Variants in DLG2 observed in about 807,000 individuals in gnomAD.
DLG2 encodes the protein discs large MAGUK scaffold protein 2.
In DLG2, 45 loss-of-function variants were observed where a neutral mutation model predicts 132.5. The ratio of observed to expected loss-of-function variants is 0.34; its 90% CI spans 0.27 to 0.44. DLG2 has a LOEUF of 0.44. DLG2 is among the 20% of genes least tolerant of loss of function. DLG2 has a pLI of 1.00. For synonymous variants in DLG2, 424 were observed against 419.6 expected (o/e 1.01, Z -0.13); for missense variants, 1,045 against 1,196.9 (o/e 0.87, Z 1.87).
intron 19 of DLG2, among the ~76,000 whole-genome samples, chr11:83,559,244 G>T (rs1372910762): frequency 1.3e-5 from 2 of 152,184 alleles, no homozygotes; most frequent in African/African-American, 4.8e-5. Context: ...CTGGAGTCTA[G>T]TGGGTTTGCT....
intron 19 of DLG2, among the ~76,000 whole-genome samples, chr11:83,559,201 T>G (rs1294857301): frequency 6.6e-6 from 1 of 152,068 alleles, no homozygotes; most frequent in Non-Finnish European, 1.5e-5. Flanking sequence ...AAGAATGCAC[T>G]TGGTTTAGGA....
chr11:85,455,348 G>A (rs892834224), intron 3 of DLG2, among the ~76,000 whole-genome samples: 2 of 152,138 alleles, frequency 1.3e-5, no homozygotes, highest in Admixed American at 6.6e-5. Context: ...ATATAGGAAT[G>A]CTACAAATTT....
intron 8 of DLG2, among the ~76,000 whole-genome samples, chr11:84,250,116 A>C (rs781743269): frequency 2.0e-5 from 3 of 152,216 alleles, no homozygotes; most frequent in Non-Finnish European, 4.4e-5. Flanking sequence ...TGTTTGGCAG[A>C]CACAGTGTTT....
intron 16 of DLG2, among the ~76,000 whole-genome samples, chr11:83,855,201 C>T (rs576934425): frequency 6.6e-6 from 1 of 152,266 alleles, no homozygotes; most frequent in Admixed American, 6.5e-5. Flanking sequence ...TGTACCTGCA[C>T]TTATTCATTG....
Position 83,541,702 on chromosome 11 carries a change from C to A in DLG2, c.2097G>T (p.Gly699=), listed in dbSNP as rs375626621. 6.2e-7 allele frequency: 1 copy of A among 1,609,038 alleles called. No individual in the cohort carries two copies. Among genetic ancestry groups the A allele is most frequent in the Non-Finnish European group, 8.5e-7 (1 of 1,177,728 alleles). Residue 699 remains glycine, a synonymous_variant, in exon 20 of 28, where the codon GGG becomes GGT. Coordinates refer to ENST00000376104, the MANE Select transcript of DLG2 (RefSeq NM_001142699.3). ...VMLEGDSEEM[G]VIPSKRRVER... is the part of the protein sequence containing the mutation. ...CTTACCTCCTTTTGCTGGGGATGAC[C>A]CCCATCTCCTCACTGTCTCCCTCCA...
At chr11:84,384,380 C>T (rs1294905959) in intron 7 of DLG2, among the ~76,000 whole-genome samples, 1 of 151,922 alleles carries the variant, frequency 6.6e-6, no homozygotes, top group Non-Finnish European at 1.5e-5. Flanking sequence ...AAAATTTGAG[C>T]TTTATCCAAG....
At chr11:84,987,966 G>A (rs574971343) in intron 6 of DLG2, among the ~76,000 whole-genome samples, 4 of 152,268 alleles carry the variant, frequency 2.6e-5, no homozygotes, top group African/African-American at 9.6e-5. Context: ...GGAATGGTCA[G>A]CAGAGTAAAC....
chr11:84,299,059 G>T (rs1464753926), intron 7 of DLG2, among the ~76,000 whole-genome samples: 1 of 152,158 alleles, frequency 6.6e-6, no homozygotes, highest in African/African-American at 2.4e-5. Flanking sequence ...TTTAAGAAAC[G>T]TTCCACATAT....
intron 6 of DLG2, among the ~76,000 whole-genome samples, chr11:84,915,282 G>C (rs2092385883): frequency 6.6e-6 from 1 of 151,890 alleles, no homozygotes; most frequent in Non-Finnish European, 1.5e-5. Flanking sequence ...TTATTTTTCT[G>C]ATTATAATAC....
intron 10 of DLG2, among the ~76,000 whole-genome samples, chr11:84,080,971 G>A (rs530191446): frequency 5.5e-5 from 8 of 145,056 alleles, no homozygotes; most frequent in East Asian, 2.0e-4. Context: ...CAACCTGCAC[G>A]ACAAGAGCAA....
chr11:85,003,697 G>C (rs1225646259), intron 6 of DLG2, among the ~76,000 whole-genome samples: 1 of 151,966 alleles, frequency 6.6e-6, no homozygotes, highest in East Asian at 1.9e-4. Flanking sequence ...CCTATAGATA[G>C]ATGGATAATT....
chr11:84,355,939 T>C (rs1254756165), intron 7 of DLG2, among the ~76,000 whole-genome samples: 1 of 152,102 alleles, frequency 6.6e-6, no homozygotes, highest in Non-Finnish European at 1.5e-5. Flanking sequence ...AACAGAATCC[T>C]GTTGAATTAT....
intron 6 of DLG2, among the ~76,000 whole-genome samples, chr11:84,983,182 A>C (rs2154120716): frequency 6.6e-6 from 1 of 152,300 alleles, no homozygotes; most frequent in South Asian, 2.1e-4. Flanking sequence ...GACTGCAGGA[A>C]TACACTAGGA....
At chr11:83,974,807 C>T (rs1345420852) in intron 12 of DLG2, among the ~76,000 whole-genome samples, 2 of 152,066 alleles carry the variant, frequency 1.3e-5, no homozygotes, top group Admixed American at 1.3e-4. Flanking sequence ...GTGCCTGTGA[C>T]TGAAATCCAG....
At chr11:85,077,566 G>A (rs1318654625) in intron 6 of DLG2, among the ~76,000 whole-genome samples, 1 of 151,854 alleles carries the variant, frequency 6.6e-6, no homozygotes, top group African/African-American at 2.4e-5. Context: ...GCCAGTGAAT[G>A]GAAAGTTGAA....
At chr11:84,493,228 G>C (rs940725207) in intron 7 of DLG2, among the ~76,000 whole-genome samples, 1 of 152,130 alleles carries the variant, frequency 6.6e-6, no homozygotes, top group Non-Finnish European at 1.5e-5. Flanking sequence ...TCATTGGGTA[G>C]TTTTACTTTT....
intron 7 of DLG2, among the ~76,000 whole-genome samples, chr11:84,393,845 T>C (rs756004331): frequency 9.2e-5 from 14 of 152,192 alleles, no homozygotes; most frequent in Admixed American, 5.9e-4. Context: ...TGTATACACA[T>C]CATTAATACA....
chr11:84,722,840 T>C (rs2061988502), intron 6 of DLG2, among the ~76,000 whole-genome samples: 1 of 152,170 alleles, frequency 6.6e-6, no homozygotes, highest in African/African-American at 2.4e-5. Context: ...CCTTGCCTAG[T>C]AGATTTCTCC....
At chr11:83,890,100 TA>T (rs1244903415) in intron 15 of DLG2, among the ~76,000 whole-genome samples, 1 of 151,796 alleles carries the variant, frequency 6.6e-6, no homozygotes, top group East Asian at 1.9e-4. Context: ...CCCTAAAACT[TA>T]AAGTACAATA....
Sources: allele counts gnomAD v4.1 joint callset (sites outside exome capture counted in the v4.1 genomes callset), GRCh38; gene constraint gnomAD v4.1.1; transcripts MANE v1.5; gene names NCBI Gene and HGNC (gene_info 2026-07-23, HGNC 2026-07-21).